The following WWC2 variants were observed in gnomAD, a reference collection of about 807,000 sequenced individuals.
WWC2 encodes the protein protein WWC2.
A neutral mutation model predicts 138.5 loss-of-function variants in WWC2; 101 were observed. The ratio of observed to expected loss-of-function variants is 0.73; its 90% CI spans 0.62 to 0.86. WWC2 has a LOEUF of 0.86. Among genes scored for constraint, WWC2 ranks in the 40% least tolerant of loss-of-function variants. The pLI is 0.00. For missense variants in WWC2, 1,420 were observed against 1,419.4 expected (o/e 1.00, Z -0.01); for synonymous variants, 558 against 538.4 (o/e 1.04, Z -0.50).
At chr4:183,132,087 A>G (rs1011403863) in intron 1 of WWC2, among the ~76,000 whole-genome samples, 1 of 152,158 alleles carries the variant, frequency 6.6e-6, no homozygotes. Context: ...CTTCAATATT[A>G]TAGTTTTATA....
At chr4:183,164,309 TATTATATATACATATATATATATATATAC>T (rs1561443728) in intron 1 of WWC2, among the ~76,000 whole-genome samples, 29 of 1,000 alleles carry the variant, frequency 0.029, 2 homozygotes, top group South Asian at 0.05. Context: ...TACATATATA[TATTATATATACATATATATATATATATAC>T]ATATATATAT....
chr4:183,315,088 C>CT (rs916679389), intron 22 of WWC2, among the ~76,000 whole-genome samples: 2 of 152,186 alleles, frequency 1.3e-5, no homozygotes, highest in East Asian at 3.9e-4. Context: ...CACTGTTTGT[C>CT]TTTTTTTTAA....
rs539081631 is a variant in WWC2, at chr4:183,311,791, A to G, written c.3385-550A>G. Among the ~76,000 whole-genome samples the G allele has an allele frequency of 1.2e-3, 178 of 151,916 alleles. 1 individual carries two copies. Among genetic ancestry groups the G allele is most frequent in the African/African-American group, 4.2e-3 (174 of 41,440 alleles). ...ACGGGGTTTCACCGTGTTAGCCAGG[A>G]TGGTCTCGATCTCCTGACCTCGTGA... On this transcript the variant is annotated intron_variant, in intron 21 of 22. Transcript: ENST00000403733.
chr4:183,246,720 A>G (rs575816612), intron 6 of WWC2, among the ~76,000 whole-genome samples: 9 of 152,352 alleles, frequency 5.9e-5, no homozygotes, highest in African/African-American at 2.2e-4. Flanking sequence ...GTAAGTAGCA[A>G]GACTATGGTT....
intron 2 of WWC2, among the ~76,000 whole-genome samples, chr4:183,199,496 G>A (rs1735245366): frequency 6.6e-6 from 1 of 152,166 alleles, no homozygotes; most frequent in African/African-American, 2.4e-5. Context: ...CTTGGAAGGA[G>A]GGATCATGCC....
chr4:183,187,468 G>A (rs539059647), intron 1 of WWC2, among the ~76,000 whole-genome samples: 96 of 151,232 alleles, frequency 6.3e-4, no homozygotes, highest in African/African-American at 2.1e-3. Flanking sequence ...CAGGAGAATC[G>A]CTTGAACCTG....
At chr4:183,105,150 C>A (rs1389306104) in intron 1 of WWC2, among the ~76,000 whole-genome samples, 2 of 152,172 alleles carry the variant, frequency 1.3e-5, no homozygotes, top group African/African-American at 4.8e-5. Context: ...CTCAAGTTAC[C>A]TGCCCGCCTT....
chr4:183,306,479 G>A (rs1739026070), intron 21 of WWC2, among the ~76,000 whole-genome samples: 1 of 152,058 alleles, frequency 6.6e-6, no homozygotes, highest in Non-Finnish European at 1.5e-5. Flanking sequence ...TTCAGATGGA[G>A]CAGACTTCAG....
intron 12 of WWC2, 61 bp downstream of exon 12, chr4:183,265,168 T>G (rs944718738): frequency 1.3e-6 from 2 of 1,547,704 alleles, no homozygotes; most frequent in Middle Eastern, 3.8e-4. Flanking sequence ...GGATGTGGGT[T>G]ATATGCTGTA....
rs1743086598 is a variant in WWC2 at position 183,099,476 on chromosome 4, G to A, written c.-16G>A. The A allele has an allele frequency of 7.8e-7, 1 of 1,289,894 alleles. No individual in the cohort carries two copies. Among genetic ancestry groups the A allele is most frequent in the Non-Finnish European group, 9.9e-7 (1 of 1,008,884 alleles). The allele number at this position is 1,289,894 out of a possible 1,614,324, so 79.9% of individuals were successfully genotyped here. A position where few individuals can be genotyped will look rare whatever the true frequency, so the allele number is the denominator to read the frequency against. On this transcript the variant is annotated 5_prime_UTR_variant, in exon 1 of 23. Coordinates refer to ENST00000403733, the MANE Select transcript of WWC2 (RefSeq NM_024949.6). ...GGTACCTATGGAGGCGCCGCTCGCC[G>A]GCGAGGCCGCCGACCATGCCTAGGA...
rs1260505225 is a variant in WWC2, at chr4:183,302,401, A to G, written c.3385-9940A>G. Among the ~76,000 whole-genome samples the G allele has an allele frequency of 2.0e-5, 3 of 152,214 alleles. No homozygotes were observed. The East Asian group carries it at 5.8e-4, about 29-fold the overall frequency. On this transcript the variant is annotated intron_variant, in intron 21 of 22. Transcript: ENST00000403733. ...TTTCTAACTGCTTAAGTCATAACAG[A>G]AGCAGTTGGCTTTTCAAGTCTAGAA...
chr4:183,152,762 A>C (rs1733678976), intron 1 of WWC2, among the ~76,000 whole-genome samples: 1 of 151,552 alleles, frequency 6.6e-6, no homozygotes. Context: ...GGGTGCCTGT[A>C]ATCCCAGCTA....
In WWC2 at chr4:183,170,190, A is replaced by G. The variant is rs532098861; in HGVS notation, c.132-23409A>G. 3.9e-5 allele frequency among the ~76,000 whole-genome samples: 6 copies of G among 152,340 alleles called. No individual in the cohort carries two copies. The South Asian group carries it at 1.2e-3, about 32-fold the overall frequency. ...CAGTTATTGTGCCGTTGGCCAGAGAATGATTTCCACTGTAGAAAATAGCGG... is the reference window on the plus strand; with the variant it reads ...CAGTTATTGTGCCGTTGGCCAGAGAGTGATTTCCACTGTAGAAAATAGCGG... On this transcript the variant is annotated intron_variant, in intron 1 of 22. Transcript: ENST00000403733.
rs1685609900 is a variant in WWC2 at position 183,172,799 on chromosome 4, T to C, written c.132-20800T>C. The stretch of plus-strand genomic sequence containing the variant: ...AGTATTTTGATAATATTTTTCTCTT[T>C]GTATTTACTTTGTTCTCTCTCTCTG... On this transcript the variant is annotated intron_variant, in intron 1 of 22. Transcript: ENST00000403733. Among the ~76,000 whole-genome samples, 3 of 152,216 alleles carry C rather than the reference T, an allele frequency of 2.0e-5. No individual in the cohort carries two copies. The South Asian group carries it at 6.2e-4, about 32-fold the overall frequency.
At chr4:183,240,803 G>T (rs1354272303) in intron 5 of WWC2, among the ~76,000 whole-genome samples, 17 of 152,188 alleles carry the variant, frequency 1.1e-4, no homozygotes, top group Admixed American at 1.1e-3. Context: ...CTCACTTCCT[G>T]GTTCCTCTAC....
intron 21 of WWC2, among the ~76,000 whole-genome samples, chr4:183,298,374 T>C (rs1351734144): frequency 6.6e-6 from 1 of 152,154 alleles, no homozygotes; most frequent in African/African-American, 2.4e-5. Flanking sequence ...GGGCCAAAAC[T>C]CTTTAGCTAG....
At chr4:183,226,598 A>G (rs1257139248) in intron 4 of WWC2, among the ~76,000 whole-genome samples, 2 of 152,062 alleles carry the variant, frequency 1.3e-5, no homozygotes, top group Non-Finnish European at 2.9e-5. Context: ...GATAAAGACA[A>G]TAATTAATGA....
chr4:183,249,157 C>T (rs972647947), intron 7 of WWC2, among the ~76,000 whole-genome samples: 2 of 152,004 alleles, frequency 1.3e-5, no homozygotes, highest in Non-Finnish European at 2.9e-5. Context: ...TTTCCTATTA[C>T]GTTTAGAGTC....
chr4:183,134,174 T>G (rs377663873), intron 1 of WWC2, among the ~76,000 whole-genome samples: 2 of 152,146 alleles, frequency 1.3e-5, no homozygotes, highest in East Asian at 3.8e-4. Flanking sequence ...TTTGTTTGCT[T>G]TTGTTAGATG....
Sources: gnomAD v4.1 joint callset for allele counts (sites outside exome capture counted in the v4.1 genomes callset) on GRCh38, gnomAD v4.1.1 for gene constraint, MANE v1.5 for transcripts, NCBI Gene and HGNC (gene_info 2026-07-23, HGNC 2026-07-21) for gene names.